Variants in JAKMIP3 observed in about 807,000 individuals in gnomAD.
JAKMIP3 encodes the protein janus kinase and microtubule-interacting protein 3.
JAKMIP3 carries 58 observed loss-of-function variants against 118.5 expected under a neutral mutation model. The ratio of observed to expected loss-of-function variants is 0.49; its 90% CI spans 0.40 to 0.61. JAKMIP3 has a LOEUF of 0.61. Among genes scored for constraint, JAKMIP3 ranks in the 20% least tolerant of loss-of-function variants. The pLI, the probability that JAKMIP3 is intolerant of heterozygous loss-of-function variation, is 0.00. For missense variants in JAKMIP3, 950 were observed against 1,109.0 expected (o/e 0.86, Z 2.04); for synonymous variants, 486 against 451.2 (o/e 1.08, Z -0.98).
At chr10:132,053,773 G>A (rs1356564460) in intron 1 of JAKMIP3, among the ~76,000 whole-genome samples, 3 of 151,664 alleles carry the variant, frequency 2.0e-5, no homozygotes, top group African/African-American at 4.8e-5. Context: ...GGTGGCTCAC[G>A]CCTGTAATCC....
At chr10:132,101,727 CCT>C (rs2044954057) in intron 1 of JAKMIP3, among the ~76,000 whole-genome samples, 1 of 151,778 alleles carries the variant, frequency 6.6e-6, no homozygotes, top group Non-Finnish European at 1.5e-5. Context: ...AAGCTGGAGC[CCT>C]GTGTCTCGGG....
chr10:132,096,036 G>GC (rs2043814133), intron 1 of JAKMIP3, among the ~76,000 whole-genome samples: 2 of 140,658 alleles, frequency 1.4e-5, no homozygotes, highest in Non-Finnish European at 3.3e-5. Flanking sequence ...CTGTGGTCTT[G>GC]GGGGGGTCTT....
chr10:132,137,687 C>T (rs1222501860), intron 8 of JAKMIP3, among the ~76,000 whole-genome samples: 2 of 152,236 alleles, frequency 1.3e-5, no homozygotes, highest in Non-Finnish European at 2.9e-5. Flanking sequence ...CATGGGTTCC[C>T]CGGAGAGCAG....
At chr10:132,144,990 A>G in intron 11 of JAKMIP3, 117 bp from the exon 12 acceptor site, 1 of 753,376 alleles carries the variant, frequency 1.3e-6, no homozygotes, top group Non-Finnish European at 2.2e-6. Flanking sequence ...AAGGGCGAAC[A>G]GTCACTTCTC....
chr10:132,139,756 G>A (rs2053092971), intron 9 of JAKMIP3, among the ~76,000 whole-genome samples: 1 of 152,228 alleles, frequency 6.6e-6, no homozygotes, highest in East Asian at 1.9e-4. Flanking sequence ...GGGAGTAGGG[G>A]AAGTCGGGTG....
intron 1 of JAKMIP3, among the ~76,000 whole-genome samples, chr10:132,070,048 A>C (rs7899058): frequency 6.6e-6 from 1 of 152,024 alleles, no homozygotes; most frequent in Non-Finnish European, 1.5e-5. Flanking sequence ...GCGGCTGCTG[A>C]TGTACCACCC....
At chr10:132,081,052 A>AT (rs1481878572) in intron 1 of JAKMIP3, among the ~76,000 whole-genome samples, 5 of 152,008 alleles carry the variant, frequency 3.3e-5, no homozygotes, top group Admixed American at 1.3e-4. Context: ...TTTTGCCTTA[A>AT]TTTTTTTTCT....
chr10:132,142,594 C>G (rs2053753292), intron 11 of JAKMIP3, among the ~76,000 whole-genome samples: 1 of 152,350 alleles, frequency 6.6e-6, no homozygotes, highest in East Asian at 1.9e-4. Flanking sequence ...CAGGAAAGGC[C>G]TCAGTGTGGC....
chr10:132,052,399 G>T (rs2038127410), intron 1 of JAKMIP3, among the ~76,000 whole-genome samples: 1 of 152,116 alleles, frequency 6.6e-6, no homozygotes, highest in Non-Finnish European at 1.5e-5. Flanking sequence ...TTCTTATGTA[G>T]ATCTAGATTT....
intron 23 of JAKMIP3, among the ~76,000 whole-genome samples, chr10:132,172,134 G>T (rs531053332): frequency 6.6e-6 from 1 of 151,940 alleles, no homozygotes; most frequent in African/African-American, 2.4e-5. Context: ...GTTCTTCCTC[G>T]TCACTCTTGG....
chr10:132,163,770 G>T (rs1297252709), intron 20 of JAKMIP3, among the ~76,000 whole-genome samples: 2 of 152,258 alleles, frequency 1.3e-5, no homozygotes, highest in Non-Finnish European at 2.9e-5. Flanking sequence ...TCCTGGGCGT[G>T]TTGCGGAGGC....
rs1565029412 is a variant in JAKMIP3, at chr10:132,183,764, ACAAT to A, written c.*2512_*2515del. On this transcript the variant is annotated 3_prime_UTR_variant, in exon 24 of 24. Coordinates refer to ENST00000684848, the MANE Select transcript of JAKMIP3 (RefSeq NM_001323087.2). ...ATAGGCACCTTCTTTACATCTGATTACAATACCCAGCATTTCAGAACTGGGTTTT... is the reference window on the plus strand; with the variant it reads ...ATAGGCACCTTCTTTACATCTGATTAACCCAGCATTTCAGAACTGGGTTTT... 1 of 152,208 alleles carries A rather than the reference ACAAT, an allele frequency of 6.6e-6. No individual in the cohort carries two copies. The highest frequency in any genetic ancestry group is 1.5e-5 in the Non-Finnish European group (1 of 68,034). 9.4% of individuals were successfully genotyped at this position (152,208 alleles called of 1,614,324 possible). A position where few individuals can be genotyped will look rare whatever the true frequency, so the allele number is the denominator to read the frequency against.
Position 132,147,995 on chromosome 10 carries a change from T to C in JAKMIP3, c.1793T>C (p.Val598Ala). The C allele has an allele frequency of 3.1e-6, 5 of 1,610,612 alleles. No homozygotes were observed. The highest frequency in any genetic ancestry group is 4.2e-6 in the Non-Finnish European group (5 of 1,178,674). The change falls in exon 14 of 24, where the codon GTG (valine) becomes GCG (alanine). Residue 598 changes from valine to alanine, a missense_variant. By Grantham distance (64) the Val-to-Ala change is moderately conservative (BLOSUM62 0). Transcript: ENST00000684848. ...ETEEARLRHEVQDARDQNELL... is the reference protein window; with the variant it reads ...ETEEARLRHEAQDARDQNELL... ...GAAGAGGCTCGGCTCAGACACGAGG[T>C]GCAGGACGCCAGAGACCAAAACGAG...
intron 19 of JAKMIP3, among the ~76,000 whole-genome samples, chr10:132,162,478 T>C (rs915310050): frequency 1.3e-5 from 2 of 152,212 alleles, no homozygotes; most frequent in African/African-American, 4.8e-5. Flanking sequence ...GTTGTGACTG[T>C]AAGAAGTGGA....
At chr10:132,067,603 G>T (rs1216124480) in intron 1 of JAKMIP3, among the ~76,000 whole-genome samples, 1 of 146,970 alleles carries the variant, frequency 6.8e-6, no homozygotes, top group East Asian at 2.1e-4. Context: ...CTTCCGTGTG[G>T]ACTGTGGGCT....
At chr10:132,099,909 A>G (rs1359578456) in intron 1 of JAKMIP3, among the ~76,000 whole-genome samples, 1 of 152,136 alleles carries the variant, frequency 6.6e-6, no homozygotes. Flanking sequence ...AGCAGAGTCC[A>G]CAGTGTCTGG....
intron 20 of JAKMIP3, 49 bp from the exon 21 acceptor site, chr10:132,164,621 T>A: frequency 8.0e-7 from 1 of 1,246,154 alleles, no homozygotes; most frequent in Non-Finnish European, 1.2e-6. Context: ...GGATTTGGGT[T>A]TCCCGAGTAC....
At chr10:132,161,549 G>T (rs76555721) in intron 19 of JAKMIP3, among the ~76,000 whole-genome samples, 16 of 49,164 alleles carry the variant, frequency 3.3e-4, no homozygotes, top group East Asian at 1.0e-3. Flanking sequence ...TGCTGGGGGG[G>T]GTCTCTCCCT....
At chr10:132,090,671 T>C (rs1441122155) in intron 1 of JAKMIP3, among the ~76,000 whole-genome samples, 1 of 152,236 alleles carries the variant, frequency 6.6e-6, no homozygotes, top group Non-Finnish European at 1.5e-5. Context: ...CCTGGATTCA[T>C]TGAGTTTTTG....
Sources: allele counts gnomAD v4.1 joint callset (sites outside exome capture counted in the v4.1 genomes callset), GRCh38; gene constraint gnomAD v4.1.1; transcripts MANE v1.5; gene names NCBI Gene and HGNC (gene_info 2026-07-23, HGNC 2026-07-21).